The following SLC35F2 variants were observed in gnomAD, a reference collection of about 807,000 sequenced individuals.
The protein encoded by SLC35F2 is solute carrier family 35 member F2, also known as queuine/queuosine transporter SLC35F2.
In SLC35F2, 25 loss-of-function variants were observed where a neutral mutation model predicts 38.1. The ratio of observed to expected loss-of-function variants is 0.66; its 90% CI spans 0.48 to 0.92. The LOEUF is 0.92. SLC35F2 is among the 40% of genes least tolerant of loss of function. SLC35F2 has a pLI of 0.00. For synonymous variants in SLC35F2, 173 were observed against 181.7 expected, an observed-to-expected ratio of 0.95 and a Z score of 0.38; for missense variants, 409 against 452.9, an observed-to-expected ratio of 0.90 and a Z score of 0.88.
At position 107,842,257 on chromosome 11, in the gene SLC35F2, C is replaced by CAAAAAAAAAAAAAAAAAAAA. The variant is rs541185009; in HGVS notation, c.110+16381_110+16400dup. ...GGCGACAGAGTGAGACTCCGTCTCA[C>CAAAAAAAAAAAAAAAAAAAA]AAAAAAAAAAAAAAAAAAAAAAAAA... is the stretch of plus-strand genomic sequence containing the variant. On this transcript the variant is annotated intron_variant, in intron 1 of 7. Coordinates refer to ENST00000525815, the MANE Select transcript of SLC35F2 (RefSeq NM_017515.5). Among the ~76,000 whole-genome samples, 5 of 37,900 alleles carry CAAAAAAAAAAAAAAAAAAAA rather than the reference C, an allele frequency of 1.3e-4. 1 individual carries two copies. The highest frequency in any genetic ancestry group is 1.7e-4 in the Non-Finnish European group (4 of 23,856). The allele number at this position is 37,900 out of a possible 152,430, so 24.9% of individuals were successfully genotyped here. A position where few individuals can be genotyped will look rare whatever the true frequency, so the allele number is the denominator to read the frequency against.
rs515378 is a variant in SLC35F2, at chr11:107,805,726, G to C, written c.575-211C>G. 1.5e-3 allele frequency: 1,426 copies of C among 935,792 alleles called. 12 individuals carry two copies. The African/African-American group carries it at 0.022, about 15-fold the overall frequency. The allele number at this position is 935,792 out of a possible 1,614,324, so 58.0% of individuals were successfully genotyped here. On this transcript the variant is annotated intron_variant, in intron 4 of 7. Transcript: ENST00000525815. ...ACAGTCTTGCTCTGTTGCTCAGGCT[G>C]GAGTGCAGTGGCGCAATCTCAGCTC... is the stretch of plus-strand genomic sequence containing the variant.
intron 1 of SLC35F2, among the ~76,000 whole-genome samples, chr11:107,850,678 C>T (rs1388067050): frequency 1.3e-5 from 2 of 151,400 alleles, no homozygotes; most frequent in African/African-American, 4.9e-5. Context: ...AAAAATTAGC[C>T]GAACGTGGTG....
At chr11:107,858,245 G>C (rs566084590) in intron 1 of SLC35F2, among the ~76,000 whole-genome samples, 2 of 152,296 alleles carry the variant, frequency 1.3e-5, no homozygotes, top group African/African-American at 2.4e-5. Flanking sequence ...TGGCTGGCTC[G>C]GCAGCAGATG....
chr11:107,818,767 C>T (rs1428162091), intron 1 of SLC35F2, among the ~76,000 whole-genome samples: 1 of 152,070 alleles, frequency 6.6e-6, no homozygotes, highest in Non-Finnish European at 1.5e-5. Flanking sequence ...TGGTTGTATT[C>T]CTTTTTCTTT....
chr11:107,802,187 G>A lies in SLC35F2; in HGVS notation c.939+814C>T, dbSNP rs370850444. 3.0e-3 allele frequency among the ~76,000 whole-genome samples: 444 copies of A among 149,130 alleles called. 2 individuals are homozygous for A. The highest frequency in any genetic ancestry group is 4.6e-3 in the Non-Finnish European group (312 of 67,718). On this transcript the variant is annotated intron_variant, in intron 7 of 7. Coordinates refer to ENST00000525815, the MANE Select transcript of SLC35F2 (RefSeq NM_017515.5). ...TGGGAAGCAGAGGTTGCAGTGAGCC[G>A]AGATCACACCATTGCACTCCAGCCT... is the stretch of plus-strand genomic sequence containing the variant.
chr11:107,854,270 G>T (rs1467598238), intron 1 of SLC35F2, among the ~76,000 whole-genome samples: 1 of 142,018 alleles, frequency 7.0e-6, no homozygotes, highest in Non-Finnish European at 1.5e-5. Flanking sequence ...TGTCTCTACG[G>T]AAAAAAAAAA....
chr11:107,843,861 AAAAAAAAATATATATAT>A (rs1349163486), intron 1 of SLC35F2, among the ~76,000 whole-genome samples: 7 of 38,270 alleles, frequency 1.8e-4, no homozygotes, highest in East Asian at 2.2e-3. Flanking sequence ...AAAAAAAAAA[AAAAAAAAATATATATAT>A]ATATATATAT....
intron 1 of SLC35F2, among the ~76,000 whole-genome samples, chr11:107,851,754 G>A (rs182944297): frequency 6.6e-6 from 1 of 152,022 alleles, no homozygotes; most frequent in Non-Finnish European, 1.5e-5. Context: ...CTAGTAGAAT[G>A]GGCAGATAGT....
intron 1 of SLC35F2, chr11:107,816,282 GTA>G (rs1491375788): frequency 2.4e-5 from 23 of 944,432 alleles, no homozygotes; most frequent in Non-Finnish European, 2.8e-5. Context: ...GTGTGTGTGT[GTA>G]TGACTTTTTT....
chr11:107,835,880 A>T (rs1859922239), intron 1 of SLC35F2, among the ~76,000 whole-genome samples: 1 of 152,222 alleles, frequency 6.6e-6, no homozygotes, highest in South Asian at 2.1e-4. Flanking sequence ...GTGAACAAAG[A>T]GATGTACAAG....
chr11:107,815,659 A>C, intron 2 of SLC35F2, 131 bp downstream of exon 2: 1 of 1,062,148 alleles, frequency 9.4e-7, no homozygotes, highest in Non-Finnish European at 1.4e-6. Context: ...TACTTACTTT[A>C]ATCAACAATT....
At chr11:107,815,511 T>C (rs192075411) in intron 2 of SLC35F2, among the ~76,000 whole-genome samples, 47 of 151,756 alleles carry the variant, frequency 3.1e-4, no homozygotes, top group African/African-American at 7.5e-4. Flanking sequence ...TGAGTCGAGA[T>C]TGCACCACTG....
Position 107,835,072 on chromosome 11 carries a change from T to C in SLC35F2, c.111-19107A>G, listed in dbSNP as rs149217818. Among the ~76,000 whole-genome samples the C allele has an allele frequency of 3.9e-5, 6 of 152,056 alleles. No homozygotes were observed. In the East Asian group the frequency reaches 1.2e-3, roughly 29 times the overall value. Reference sequence around the variant, plus strand: ...AAATGAGAGAGAGTTACGCAGAAAATCAAACGGGTGCTAGTTAAAGAGGCC... The same window carrying C: ...AAATGAGAGAGAGTTACGCAGAAAACCAAACGGGTGCTAGTTAAAGAGGCC... On this transcript the variant is annotated intron_variant, in intron 1 of 7. Transcript: ENST00000525815.
chr11:107,839,881 C>T (rs970066186), intron 1 of SLC35F2, among the ~76,000 whole-genome samples: 4 of 152,244 alleles, frequency 2.6e-5, no homozygotes, highest in Admixed American at 2.6e-4. Flanking sequence ...TCAAACTCCC[C>T]ACCTCAGGTG....
At chr11:107,838,710 C>T (rs1859968390) in intron 1 of SLC35F2, among the ~76,000 whole-genome samples, 1 of 149,866 alleles carries the variant, frequency 6.7e-6, no homozygotes, top group Admixed American at 6.7e-5. Context: ...CTCACTGCAA[C>T]CTCTGCCTCC....
At chr11:107,811,038 T>G in intron 3 of SLC35F2, 1 of 985,188 alleles carries the variant, frequency 1.0e-6, no homozygotes, top group East Asian at 1.1e-4. Context: ...TCACCTCCAC[T>G]TATAAAACAT....
chr11:107,799,997 T>C (rs1177000292), intron 7 of SLC35F2, among the ~76,000 whole-genome samples: 1 of 151,760 alleles, frequency 6.6e-6, no homozygotes, highest in African/African-American at 2.4e-5. Context: ...CATGCCATTC[T>C]CCTGCCTCAG....
intron 1 of SLC35F2, among the ~76,000 whole-genome samples, chr11:107,827,886 G>C (rs1859779714): frequency 6.6e-6 from 1 of 152,038 alleles, no homozygotes. Flanking sequence ...ACTCCAGCCT[G>C]GGCGATAGAG....
Position 107,791,965 on chromosome 11 carries a change from A to T in SLC35F2, c.*650T>A, listed in dbSNP as rs1023077658. 2 of 151,932 alleles carry T rather than the reference A, an allele frequency of 1.3e-5. No individual in the cohort carries two copies. Among genetic ancestry groups the T allele is most frequent in the Admixed American group, 6.6e-5 (1 of 15,224 alleles). 9.4% of individuals were successfully genotyped at this position (151,932 alleles called of 1,614,324 possible). A position where few individuals can be genotyped will look rare whatever the true frequency, so the allele number is the denominator to read the frequency against. On this transcript the variant is annotated 3_prime_UTR_variant, in exon 8 of 8. Transcript: ENST00000525815. Reference sequence around the variant, plus strand: ...CTGAGCTTGCACCACTGCACTCTAGACTCTGCATCTCAAACAAACAAAAAA... The same window carrying T: ...CTGAGCTTGCACCACTGCACTCTAGTCTCTGCATCTCAAACAAACAAAAAA...
Sources: allele counts gnomAD v4.1 joint callset (sites outside exome capture counted in the v4.1 genomes callset), GRCh38; gene constraint gnomAD v4.1.1; transcripts MANE v1.5; gene names NCBI Gene and HGNC (gene_info 2026-07-23, HGNC 2026-07-21).